Variants in BACH2 observed in about 807,000 individuals in gnomAD.
BACH2 encodes the protein BACH transcriptional regulator 2.
A neutral mutation model predicts 61.8 loss-of-function variants in BACH2; 5 were observed. The ratio of observed to expected loss-of-function variants is 0.08; its 90% CI spans 0.04 to 0.17. The LOEUF (loss-of-function observed/expected upper bound fraction) is 0.17, where lower values mean the gene tolerates loss of function less well. BACH2 is among the 10% of genes least tolerant of loss of function. The pLI is 1.00. For missense variants in BACH2, 824 were observed against 1,091.1 expected, an observed-to-expected ratio of 0.76 and a Z score of 3.45; for synonymous variants, 446 against 440.1, an observed-to-expected ratio of 1.01 and a Z score of -0.17.
intron 4 of BACH2, among the ~76,000 whole-genome samples, chr6:90,177,381 A>T (rs1344354374): frequency 6.6e-6 from 1 of 152,190 alleles, no homozygotes; most frequent in Admixed American, 6.5e-5. Flanking sequence ...CGTACAGCAG[A>T]TCCCATACTA....
chr6:90,056,361 A>G (rs1218657542), intron 5 of BACH2, among the ~76,000 whole-genome samples: 1 of 152,230 alleles, frequency 6.6e-6, no homozygotes, highest in African/African-American at 2.4e-5. Flanking sequence ...AACAAAGATC[A>G]AAAGAGACAA....
chr6:89,964,046 G>C, intron 6 of BACH2, among the ~76,000 whole-genome samples: 1 of 152,150 alleles, frequency 6.6e-6, no homozygotes. Context: ...TCACACTCTG[G>C]GGACTGTTGT....
At chr6:90,042,295 C>G (rs1779573969) in intron 5 of BACH2, among the ~76,000 whole-genome samples, 1 of 152,120 alleles carries the variant, frequency 6.6e-6, no homozygotes. Flanking sequence ...TGGGCTCAAG[C>G]AGTTCTCCCT....
At chr6:90,106,461 T>A (rs1582368320) in intron 4 of BACH2, among the ~76,000 whole-genome samples, 1 of 152,318 alleles carries the variant, frequency 6.6e-6, no homozygotes, top group African/African-American at 2.4e-5. Flanking sequence ...TTTTGTAGAG[T>A]AATATGCTGT....
intron 4 of BACH2, among the ~76,000 whole-genome samples, chr6:90,098,671 C>A (rs993258414): frequency 1.3e-5 from 2 of 152,268 alleles, no homozygotes; most frequent in South Asian, 4.2e-4. Flanking sequence ...AATCCATAAA[C>A]CTCAGGTTAA....
intron 4 of BACH2, among the ~76,000 whole-genome samples, chr6:90,144,057 G>A (rs1055296203): frequency 8.5e-5 from 13 of 152,132 alleles, no homozygotes; most frequent in African/African-American, 2.7e-4. Context: ...ATAAGTATTC[G>A]TTGGATGAAT....
At chr6:90,296,152 TCTG>T in intron 1 of BACH2, among the ~76,000 whole-genome samples, 1 of 152,012 alleles carries the variant, frequency 6.6e-6, no homozygotes, top group South Asian at 2.1e-4. Context: ...CTTATTACTC[TCTG>T]CTCCTCCTCC....
chr6:90,019,893 C>A (rs1437795860), intron 5 of BACH2, among the ~76,000 whole-genome samples: 2 of 152,182 alleles, frequency 1.3e-5, no homozygotes, highest in Non-Finnish European at 2.9e-5. Context: ...ACATAAGCAT[C>A]CCAAGTTGAT....
chr6:89,995,625 T>C (rs1250195060), intron 6 of BACH2, among the ~76,000 whole-genome samples: 1 of 152,190 alleles, frequency 6.6e-6, no homozygotes, highest in African/African-American at 2.4e-5. Flanking sequence ...ATAATAATAG[T>C]GTCCATCAAA....
At chr6:90,070,214 A>T (rs1781159151) in intron 5 of BACH2, among the ~76,000 whole-genome samples, 1 of 152,172 alleles carries the variant, frequency 6.6e-6, no homozygotes, top group Non-Finnish European at 1.5e-5. Context: ...CCATCCACAA[A>T]GGACTCCTTC....
chr6:90,279,298 G>A (rs1398526269), intron 1 of BACH2, among the ~76,000 whole-genome samples: 8 of 151,984 alleles, frequency 5.3e-5, no homozygotes, highest in African/African-American at 1.9e-4. Flanking sequence ...TGAGGTGGGC[G>A]GATCACCTGA....
intron 5 of BACH2, among the ~76,000 whole-genome samples, chr6:90,055,303 G>C (rs1780275051): frequency 6.6e-6 from 1 of 152,152 alleles, no homozygotes; most frequent in Admixed American, 6.5e-5. Context: ...TGAAAACCAA[G>C]GCACGAGAGC....
At chr6:90,059,833 G>C (rs1386180654) in intron 5 of BACH2, among the ~76,000 whole-genome samples, 1 of 151,840 alleles carries the variant, frequency 6.6e-6, no homozygotes, top group Non-Finnish European at 1.5e-5. Flanking sequence ...TAGGGACATG[G>C]ATCAAGTTGG....
intron 5 of BACH2, among the ~76,000 whole-genome samples, chr6:90,042,722 CCTT>C (rs1433539120): frequency 6.6e-6 from 1 of 152,162 alleles, no homozygotes; most frequent in African/African-American, 2.4e-5. Context: ...AAATAATTTC[CCTT>C]CTTCTGCTCA....
intron 6 of BACH2, among the ~76,000 whole-genome samples, chr6:89,974,798 G>T (rs937944286): frequency 6.6e-6 from 1 of 152,232 alleles, no homozygotes; most frequent in Admixed American, 6.5e-5. Flanking sequence ...ATGCATAATT[G>T]CATACCCATA....
intron 4 of BACH2, among the ~76,000 whole-genome samples, chr6:90,205,076 C>T (rs141990956): frequency 8.3e-4 from 126 of 152,188 alleles, no homozygotes; most frequent in African/African-American, 2.8e-3. Context: ...AGCTTTCTCC[C>T]ACCCCTGAAG....
chr6:89,933,434 G>T (rs1772803668), intron 8 of BACH2, among the ~76,000 whole-genome samples: 1 of 152,148 alleles, frequency 6.6e-6, no homozygotes, highest in Admixed American at 6.5e-5. Context: ...AAGCCACTCT[G>T]TATGACACTA....
intron 4 of BACH2, among the ~76,000 whole-genome samples, chr6:90,121,122 A>G (rs1245022700): frequency 6.6e-6 from 1 of 152,218 alleles, no homozygotes; most frequent in Admixed American, 6.5e-5. Flanking sequence ...AAATCATGCA[A>G]TAATGTGCAT....
At chr6:90,251,368 C>T (rs542912039) in intron 3 of BACH2, among the ~76,000 whole-genome samples, 9 of 152,176 alleles carry the variant, frequency 5.9e-5, no homozygotes, top group East Asian at 3.9e-4. Flanking sequence ...TGGCCATAGA[C>T]GCGGATGGTT....
Sources: allele counts gnomAD v4.1 joint callset (sites outside exome capture counted in the v4.1 genomes callset), GRCh38; gene constraint gnomAD v4.1.1; transcripts MANE v1.5; gene names NCBI Gene and HGNC (gene_info 2026-07-23, HGNC 2026-07-21).